Variants in TRIQK observed in about 807,000 individuals in gnomAD.
TRIQK encodes the protein triple QxxK/R motif-containing protein.
In TRIQK, 10 loss-of-function variants were observed where a neutral mutation model predicts 10.8. That is an observed-to-expected ratio of 0.92 (90% CI 0.57 to 1.57). The LOEUF is 1.57. Among genes scored for constraint, TRIQK ranks in the 40% most tolerant of loss-of-function variants. The probability of loss-of-function intolerance (pLI) is 0.00; values close to 1 mark genes in which losing one functional copy is unlikely to be tolerated. For synonymous variants in TRIQK, 33 were observed against 33.7 expected, an observed-to-expected ratio of 0.98 and a Z score of 0.07; for missense variants, 107 against 97.7, an observed-to-expected ratio of 1.09 and a Z score of -0.40.
At chr8:92,908,163 C>T (rs1429976180) in intron 3 of TRIQK, among the ~76,000 whole-genome samples, 1 of 152,004 alleles carries the variant, frequency 6.6e-6, no homozygotes, top group Non-Finnish European at 1.5e-5. Flanking sequence ...TACATCTTTG[C>T]CCTTTGTTGA....
intron 1 of TRIQK, among the ~76,000 whole-genome samples, chr8:93,014,274 T>A (rs868350785): frequency 6.6e-6 from 1 of 152,050 alleles, no homozygotes; most frequent in Non-Finnish European, 1.5e-5. Flanking sequence ...CCCACTACTT[T>A]CTCTTTAATA....
chr8:92,998,642 T>C (rs901151910), intron 1 of TRIQK, among the ~76,000 whole-genome samples: 5 of 152,068 alleles, frequency 3.3e-5, no homozygotes, highest in Non-Finnish European at 7.4e-5. Flanking sequence ...TTTTAGAAAA[T>C]GAATTTTATT....
chr8:92,940,334 TAAAAAAAAAAA>T (rs56063230), intron 2 of TRIQK, among the ~76,000 whole-genome samples: 1 of 130,372 alleles, frequency 7.7e-6, no homozygotes, highest in Non-Finnish European at 1.6e-5. Flanking sequence ...ATAGATTTAA[TAAAAAAAAAAA>T]AAAAAAGACC....
intron 2 of TRIQK, among the ~76,000 whole-genome samples, chr8:92,927,427 A>T (rs1404630408): frequency 7.4e-5 from 1 of 13,570 alleles, no homozygotes; most frequent in Admixed American, 1.4e-3. Flanking sequence ...TTTGAAAGTA[A>T]AAAAAAAACA....
At chr8:92,902,954 T>C (rs1382376223) in intron 3 of TRIQK, among the ~76,000 whole-genome samples, 4 of 152,032 alleles carry the variant, frequency 2.6e-5, no homozygotes, top group Admixed American at 1.3e-4. Context: ...ATAAAATATA[T>C]ACCTAACTTT....
rs545769100 is a variant in TRIQK at position 92,990,046 on chromosome 8, G to T, written c.-181+27563C>A. ...ACTTCATAACAAAGATCATAAAAAA[G>T]CAATTTATAAAAACATAGATTAAAA... On this transcript the variant is annotated intron_variant, in intron 1 of 4. Coordinates refer to the TRIQK transcript ENST00000520686. Among the ~76,000 whole-genome samples the T allele has an allele frequency of 3.9e-5, 6 of 151,950 alleles. No individual in the cohort carries two copies. In the East Asian group the frequency reaches 5.8e-4, roughly 15 times the overall value.
chr8:92,898,833 G>GTGTATATATATATA (rs1256723943), intron 3 of TRIQK, among the ~76,000 whole-genome samples: 23 of 73,910 alleles, frequency 3.1e-4, no homozygotes, highest in Non-Finnish European at 4.0e-4. Context: ...GTGTGTGTGT[G>GTGTATATATATATA]TATATATATA....
chr8:92,911,259 A>T (rs1345253424), intron 3 of TRIQK, among the ~76,000 whole-genome samples: 4 of 151,244 alleles, frequency 2.6e-5, no homozygotes, highest in African/African-American at 7.3e-5. Context: ...CAGAAAAGAT[A>T]AAAAAAACTA....
chr8:92,939,029 C>CTAG (rs1447710212), intron 2 of TRIQK, among the ~76,000 whole-genome samples: 2 of 152,092 alleles, frequency 1.3e-5, no homozygotes, highest in African/African-American at 2.4e-5. Flanking sequence ...TGTGGCATGA[C>CTAG]TAGTAATTTT....
chr8:92,915,572 C>CTCCCGGGT (rs900949041), intron 3 of TRIQK, among the ~76,000 whole-genome samples: 3 of 151,956 alleles, frequency 2.0e-5, no homozygotes, highest in Non-Finnish European at 4.4e-5. Flanking sequence ...CAAGCTCTGC[C>CTCCCGGGT]TCCCGGGTTC....
intron 1 of TRIQK, among the ~76,000 whole-genome samples, chr8:92,977,283 G>A (rs1262501273): frequency 6.6e-6 from 1 of 151,942 alleles, no homozygotes; most frequent in Non-Finnish European, 1.5e-5. Flanking sequence ...TTTCATTTCA[G>A]TACTTTAATG....
chr8:92,895,712 A>G (rs1285693376), intron 3 of TRIQK, among the ~76,000 whole-genome samples: 1 of 152,184 alleles, frequency 6.6e-6, no homozygotes, highest in Admixed American at 6.5e-5. Flanking sequence ...CATGTCAAAT[A>G]CTTTATATGG....
chr8:93,002,976 T>C (rs564909487), intron 1 of TRIQK, among the ~76,000 whole-genome samples: 2 of 150,806 alleles, frequency 1.3e-5, no homozygotes, highest in African/African-American at 4.9e-5. Context: ...AAGCTCATTC[T>C]ACAAGGCCAG....
intron 3 of TRIQK, among the ~76,000 whole-genome samples, chr8:92,899,821 C>T (rs1019888066): frequency 1.1e-4 from 16 of 152,088 alleles, no homozygotes; most frequent in African/African-American, 3.1e-4. Flanking sequence ...TTTGGGGGAA[C>T]CTCCAAACCG....
intron 3 of TRIQK, among the ~76,000 whole-genome samples, chr8:92,906,266 T>C (rs1239978881): frequency 2.0e-5 from 3 of 152,110 alleles, no homozygotes; most frequent in Non-Finnish European, 4.4e-5. Context: ...ATAGGCAAAC[T>C]AGTAAAATGG....
upstream of TRIQK, among the ~76,000 whole-genome samples, chr8:92,970,882 C>T (rs1202063522): frequency 2.6e-5 from 4 of 152,112 alleles, no homozygotes; most frequent in Non-Finnish European, 5.9e-5. Flanking sequence ...TGTCTATGTC[C>T]TGAATGGTAC....
chr8:92,931,138 T>C (rs1166302092), intron 2 of TRIQK, among the ~76,000 whole-genome samples: 1 of 152,184 alleles, frequency 6.6e-6, no homozygotes, highest in Admixed American at 6.5e-5. Context: ...CAAATGTTAA[T>C]TGCATTTGAC....
At chr8:92,983,160 G>A (rs1431998731) in intron 1 of TRIQK, among the ~76,000 whole-genome samples, 1 of 151,986 alleles carries the variant, frequency 6.6e-6, no homozygotes, top group Non-Finnish European at 1.5e-5. Context: ...GCTGGACTAA[G>A]GAGACAGCAG....
chr8:92,899,267 G>C (rs1222740951), intron 3 of TRIQK, among the ~76,000 whole-genome samples: 3 of 151,870 alleles, frequency 2.0e-5, no homozygotes, highest in Non-Finnish European at 4.4e-5. Context: ...TTACAGGCAT[G>C]AGCCACTGCA....
Sources: allele counts gnomAD v4.1 joint callset (sites outside exome capture counted in the v4.1 genomes callset), GRCh38; gene constraint gnomAD v4.1.1; transcripts MANE v1.5; gene names NCBI Gene and HGNC (gene_info 2026-07-23, HGNC 2026-07-21).